RPRD2: variants seen among roughly 807,000 people sequenced by gnomAD.
RPRD2 encodes regulation of nuclear pre-mRNA domain-containing protein 2.
In RPRD2, 12 loss-of-function variants were observed where a neutral mutation model predicts 104.4. The observed-to-expected ratio is 0.11, with a 90% CI of 0.07 to 0.19. RPRD2 has a LOEUF of 0.19. RPRD2 is among the 10% of genes least tolerant of loss of function. The probability of loss-of-function intolerance (pLI) is 1.00; values close to 1 mark genes in which losing one functional copy is unlikely to be tolerated. For synonymous variants in RPRD2, 714 were observed against 684.9 expected (o/e 1.04, Z -0.66); for missense variants, 1,543 against 1,790.1 (o/e 0.86, Z 2.49).
rs192879794 is a variant in RPRD2, at chr1:150,439,912, C to G, written c.336-1011C>G. ...ATTTCACGTAAGACATAATTAAAAT[C>G]TTTACTTAAATTATTAACTTTATTG... On this transcript the variant is annotated intron_variant, in intron 2 of 10. Transcript: ENST00000369068. Among the ~76,000 whole-genome samples, 84 of 152,058 alleles carry G rather than the reference C, an allele frequency of 5.5e-4. 1 individual carries two copies. The highest frequency in any genetic ancestry group is 2.0e-3 in the African/African-American group (81 of 41,512).
At chr1:150,398,794 C>T (rs1057352055) in intron 1 of RPRD2, among the ~76,000 whole-genome samples, 4 of 151,664 alleles carry the variant, frequency 2.6e-5, no homozygotes, top group Non-Finnish European at 5.9e-5. Context: ...CCACCCTCCT[C>T]AGCCTCCCAA....
intron 1 of RPRD2, among the ~76,000 whole-genome samples, chr1:150,385,074 A>G (rs1560155707): frequency 6.6e-6 from 1 of 152,152 alleles, no homozygotes; most frequent in Non-Finnish European, 1.5e-5. Flanking sequence ...ATAAATGGTG[A>G]TTGTAACACT....
intron 1 of RPRD2, 132 bp downstream of exon 1, chr1:150,365,051 T>C: frequency 2.4e-6 from 2 of 844,960 alleles, no homozygotes; most frequent in Admixed American, 5.9e-5. Context: ...TTGACCCCAG[T>C]GGTCCCAAAC....
intron 1 of RPRD2, among the ~76,000 whole-genome samples, chr1:150,401,605 C>T (rs1663017626): frequency 1.3e-5 from 2 of 151,854 alleles, no homozygotes; most frequent in East Asian, 1.9e-4. Context: ...GGCCTCCCAA[C>T]ATGCTAGGAT....
At chr1:150,365,066 A>G in intron 1 of RPRD2, 147 bp downstream of exon 1, 1 of 725,566 alleles carries the variant, frequency 1.4e-6, no homozygotes, top group South Asian at 2.0e-5. Context: ...CCAAACCCAG[A>G]CTCCATTCCT....
chr1:150,424,389 A>G (rs1223021992), intron 2 of RPRD2, among the ~76,000 whole-genome samples: 1 of 151,978 alleles, frequency 6.6e-6, no homozygotes, highest in Non-Finnish European at 1.5e-5. Context: ...TCCTGGGTTC[A>G]AGCGATTCTC....
chr1:150,463,962 G>A (rs1357931477), intron 9 of RPRD2, among the ~76,000 whole-genome samples: 1 of 152,152 alleles, frequency 6.6e-6, no homozygotes, highest in Non-Finnish European at 1.5e-5. Context: ...GGGCAATGTA[G>A]CAAGACCCTG....
At chr1:150,451,280 A>G (rs1381875935) in intron 7 of RPRD2, among the ~76,000 whole-genome samples, 1 of 152,138 alleles carries the variant, frequency 6.6e-6, no homozygotes, top group African/African-American at 2.4e-5. Flanking sequence ...AGTTTGGTTT[A>G]TCTCACTACC....
At chr1:150,440,482 T>C (rs782132731) in intron 2 of RPRD2, among the ~76,000 whole-genome samples, 7 of 152,280 alleles carry the variant, frequency 4.6e-5, no homozygotes, top group Non-Finnish European at 8.8e-5. Context: ...CATAGTATTA[T>C]GTAATAGTTT....
chr1:150,381,898 C>T (rs1198798019), intron 1 of RPRD2, among the ~76,000 whole-genome samples: 3 of 152,028 alleles, frequency 2.0e-5, no homozygotes, highest in Non-Finnish European at 2.9e-5. Flanking sequence ...ACATGGGCTT[C>T]GATCTCAAAT....
intron 1 of RPRD2, among the ~76,000 whole-genome samples, chr1:150,412,471 T>C (rs1664013290): frequency 6.6e-6 from 1 of 152,050 alleles, no homozygotes; most frequent in South Asian, 2.1e-4. Context: ...TTCCTATGGA[T>C]GAGTAGAAAA....
At chr1:150,439,893 C>T (rs782475525) in intron 2 of RPRD2, among the ~76,000 whole-genome samples, 8 of 152,016 alleles carry the variant, frequency 5.3e-5, no homozygotes, top group African/African-American at 1.2e-4. Flanking sequence ...CTGCATTTCA[C>T]GTAAGACATA....
At chr1:150,383,215 G>A (rs587604588) in intron 1 of RPRD2, among the ~76,000 whole-genome samples, 3 of 151,404 alleles carry the variant, frequency 2.0e-5, no homozygotes, top group Non-Finnish European at 4.4e-5. Flanking sequence ...GGCTGGTCTC[G>A]AACTCCTGGA....
intron 1 of RPRD2, among the ~76,000 whole-genome samples, chr1:150,399,238 A>G (rs1662782066): frequency 6.6e-6 from 1 of 152,002 alleles, no homozygotes; most frequent in African/African-American, 2.4e-5. Context: ...TCCTGGGCTC[A>G]AGCAATCCTC....
intron 10 of RPRD2, among the ~76,000 whole-genome samples, chr1:150,465,972 T>G (rs1413377829): frequency 4.6e-5 from 6 of 131,858 alleles, no homozygotes; most frequent in Non-Finnish European, 9.1e-5. Flanking sequence ...GGAATCACGC[T>G]ACTGCACTCC....
intron 7 of RPRD2, among the ~76,000 whole-genome samples, chr1:150,455,379 G>A (rs894935824): frequency 3.9e-5 from 6 of 152,072 alleles, no homozygotes; most frequent in African/African-American, 4.8e-5. Context: ...GCGCACGCCT[G>A]TAATCCCAGC....
At chr1:150,431,484 T>TTTTTTTTTTTTTTG (rs1665578733) in intron 2 of RPRD2, among the ~76,000 whole-genome samples, 1 of 141,826 alleles carries the variant, frequency 7.1e-6, no homozygotes, top group Non-Finnish European at 1.5e-5. Flanking sequence ...TTTTTTTTTT[T>TTTTTTTTTTTTTTG]TTTTTTTTTT....
At chr1:150,407,486 C>T (rs1434731007) in intron 1 of RPRD2, among the ~76,000 whole-genome samples, 3 of 152,166 alleles carry the variant, frequency 2.0e-5, no homozygotes, top group Admixed American at 6.5e-5. Flanking sequence ...AGGCTAGTTG[C>T]GTCTTAGCTC....
At chr1:150,422,368 A>AAT (rs1226427352) in intron 2 of RPRD2, among the ~76,000 whole-genome samples, 8 of 82,082 alleles carry the variant, frequency 9.7e-5, no homozygotes, top group East Asian at 2.2e-4. Flanking sequence ...TAATAATAAT[A>AAT]AATAAAATTA....
Sources: allele counts gnomAD v4.1 joint callset (sites outside exome capture counted in the v4.1 genomes callset), GRCh38; gene constraint gnomAD v4.1.1; transcripts MANE v1.5; gene names NCBI Gene and HGNC (gene_info 2026-07-23, HGNC 2026-07-21).